PFAS: variants seen among roughly 807,000 people sequenced by gnomAD.
PFAS encodes phosphoribosylformylglycinamidine synthase.
Under a neutral mutation model 140.6 loss-of-function variants are expected in PFAS, and 97 were observed. That is an observed-to-expected ratio of 0.69 (90% CI 0.59 to 0.82). The LOEUF (loss-of-function observed/expected upper bound fraction) is 0.82, where lower values mean the gene tolerates loss of function less well. PFAS is among the 40% of genes least tolerant of loss of function. The probability of loss-of-function intolerance (pLI) is 0.00; values close to 1 mark genes in which losing one functional copy is unlikely to be tolerated. For synonymous variants in PFAS, 679 were observed against 718.8 expected (o/e 0.94, Z 0.88); for missense variants, 1,656 against 1,780.2 (o/e 0.93, Z 1.26).
intron 3 of PFAS, among the ~76,000 whole-genome samples, chr17:8,254,676 C>T (rs1349470369): frequency 6.6e-5 from 10 of 151,568 alleles, no homozygotes; most frequent in African/African-American, 2.2e-4. Context: ...TGGTGGCGGG[C>T]GCCTGTAGTC....
chr17:8,255,241 T>G, intron 4 of PFAS, 109 bp downstream of exon 4: 1 of 814,552 alleles, frequency 1.2e-6, no homozygotes, highest in Non-Finnish European at 2.0e-6. Flanking sequence ...GCCTGCTCTG[T>G]ATGGTCGTAC....
Position 8,266,254 on chromosome 17 carries a change from C to G in PFAS, c.2722C>G (p.His908Asp). Residue 908 changes from histidine (H) to aspartate (D), a missense_variant, in exon 22 of 28, where the codon CAC becomes GAC. Physicochemically the swap from His to Asp is moderately conservative, Grantham distance 81. Around this residue, in one of 2 missense-constraint regions of PFAS, gnomAD observed 883 missense variants for 1,023.0 expected, o/e 0.86. Coordinates refer to ENST00000314666, the MANE Select transcript of PFAS (RefSeq NM_012393.3). The surrounding 1 kb of genome is among the most constrained non-coding windows in gnomAD (Gnocchi z 5.0). ...LLKDRLLCSG[H>D]DVSDGGLVTC... ...TCCAGACCGCCTCCTCTGCTCAGGCCACGATGTCAGTGACGGAGGCCTCGT... is the reference window on the plus strand; with the variant it reads ...TCCAGACCGCCTCCTCTGCTCAGGCGACGATGTCAGTGACGGAGGCCTCGT... The G allele has an allele frequency of 6.2e-7, 1 of 1,614,050 alleles. No individual in the cohort carries two copies. The highest frequency in any genetic ancestry group is 8.5e-7 in the Non-Finnish European group (1 of 1,179,996).
In PFAS at chr17:8,265,469, G is replaced by C; in HGVS notation, c.2461+1G>C. On this transcript the variant is annotated splice_donor_variant, in intron 19 of 27. Coordinates refer to ENST00000314666, the MANE Select transcript of PFAS (RefSeq NM_012393.3). LOFTEE classifies it high-confidence loss of function. ...GGCACTGAGACCGTGCGGGCTCCTGGTGAGGTGTGGGAGCCCCAGGGAGGG... is the reference window on the plus strand; with the variant it reads ...GGCACTGAGACCGTGCGGGCTCCTGCTGAGGTGTGGGAGCCCCAGGGAGGG... 1 of 1,613,552 alleles carries C rather than the reference G, an allele frequency of 6.2e-7. No individual in the cohort carries two copies. Among genetic ancestry groups the C allele is most frequent in the African/African-American group, 1.3e-5 (1 of 74,998 alleles).
intron 11 of PFAS, among the ~76,000 whole-genome samples, chr17:8,259,870 G>A (rs1365645454): frequency 6.6e-6 from 1 of 152,196 alleles, no homozygotes; most frequent in African/African-American, 2.4e-5. Flanking sequence ...GGAGGCCATG[G>A]TGGGCAGATC....
In PFAS at chr17:8,265,548, C is replaced by G. The variant is rs764464595; in HGVS notation, c.2462-8C>G. The G allele has an allele frequency of 7.6e-5, 123 of 1,613,948 alleles. No homozygotes were observed. The highest frequency in any genetic ancestry group is 9.4e-5 in the Non-Finnish European group (111 of 1,179,796). ...ACTCATTCCTTTGGACTCCTCCTTGCTCTACAGGGTCACTGGTCATCTCAG... is the reference window on the plus strand; with the variant it reads ...ACTCATTCCTTTGGACTCCTCCTTGGTCTACAGGGTCACTGGTCATCTCAG... On this transcript the variant is annotated splice_polypyrimidine_tract_variant and splice_region_variant and intron_variant, in intron 19 of 27. Transcript: ENST00000314666.
Position 8,265,388 on chromosome 17 carries a change from C to T in PFAS, c.2381C>T (p.Ala794Val). 1 of 1,614,166 alleles carries T rather than the reference C, an allele frequency of 6.2e-7. No individual in the cohort carries two copies. Among genetic ancestry groups the T allele is most frequent in the Non-Finnish European group, 8.5e-7 (1 of 1,180,020 alleles). ...GAGGCTATGGTGGCAGTGATGGCAGCCCTGGGTGTGGCAGTGGATGGTGGC... is the reference window on the plus strand; with the variant it reads ...GAGGCTATGGTGGCAGTGATGGCAGTCCTGGGTGTGGCAGTGGATGGTGGC... Reference protein sequence around the residue: ...ACEAMVAVMAALGVAVDGGKD... With the variant: ...ACEAMVAVMAVLGVAVDGGKD... The change falls in exon 19 of 28, where the codon GCC (alanine) becomes GTC (valine). Residue 794 changes from alanine to valine, a missense_variant. Transcript: ENST00000314666.
chr17:8,269,171 A>G lies in PFAS; in HGVS notation c.3924A>G (p.Ala1308=). 1 of 1,613,788 alleles carries G rather than the reference A, an allele frequency of 6.2e-7. No homozygotes were observed. The highest frequency in any genetic ancestry group is 8.5e-7 in the Non-Finnish European group (1 of 1,179,976). ...PERAVRPWQW[A]WRPPPFDTLT... ...GGGCCGTTAGGCCTTGGCAGTGGGCATGGCGACCCCCTCCATTTGATACTC... is the reference window on the plus strand; with the variant it reads ...GGGCCGTTAGGCCTTGGCAGTGGGCGTGGCGACCCCCTCCATTTGATACTC... The change falls in exon 28 of 28, where the codon GCA becomes GCG. Residue 1308 remains alanine (A), a synonymous_variant. Transcript: ENST00000314666.
At position 8,266,922 on chromosome 17, in the gene PFAS, G is replaced by A. The variant is rs747993313; in HGVS notation, c.2967+24G>A. 6.3e-7 allele frequency: 1 copy of A among 1,599,338 alleles called. No homozygotes were observed. The highest frequency in any genetic ancestry group is 8.5e-7 in the Non-Finnish European group (1 of 1,175,772). ...TGGTGAGGAAGTGAGGGAGAGAGCG[G>A]TGTGCAGTGGGCAGTCAGAGTGGGG... On this transcript the variant is annotated intron_variant, in intron 23 of 27. Transcript: ENST00000314666. This position sits in a 1 kb window ranked among gnomAD's most constrained non-coding sequence, Gnocchi z 5.0.
intron 11 of PFAS, 122 bp from the exon 12 acceptor site, chr17:8,262,798 A>G: frequency 1.3e-6 from 1 of 766,182 alleles, no homozygotes; most frequent in East Asian, 2.5e-5. Flanking sequence ...TCCATCTCAA[A>G]AAAAAAAAAG....
chr17:8,253,984 G>A lies in PFAS; in HGVS notation c.47G>A (p.Gly16Glu), dbSNP rs1989257911. The A allele has an allele frequency of 1.2e-6, 2 of 1,614,080 alleles. No homozygotes were observed. The highest frequency in any genetic ancestry group is 1.7e-6 in the Non-Finnish European group (2 of 1,180,010). Reference protein sequence around the residue: ...HFYVRPSGHEGAAPGHTRRKL... With the variant: ...HFYVRPSGHEEAAPGHTRRKL... The stretch of plus-strand genomic sequence containing the variant: ...TATGTTCGTCCCTCTGGCCATGAGG[G>A]GGCAGCCCCTGGACACACTCGGAGG... Residue 16 changes from glycine to glutamate, a missense_variant, in exon 2 of 28, where the codon GGG (glycine) becomes GAG (glutamate). Transcript: ENST00000314666.
chr17:8,254,265 C>G lies in PFAS; in HGVS notation c.242C>G (p.Pro81Arg), dbSNP rs955595515. ...GTTGCTCGGGAGTCCTGGCTCCTTC[C>G]TGGCTCCAATGACCTGCTGCTGGAG... Reference protein sequence around the residue: ...DDVARESWLLPGSNDLLLEVG... With the variant: ...DDVARESWLLRGSNDLLLEVG... The change falls in exon 3 of 28, where the codon CCT becomes CGT. Residue 81 changes from proline to arginine, a missense_variant. This residue lies in a region of PFAS where 773 missense variants were observed against 757.3 expected (regional missense o/e 1.02). Transcript: ENST00000314666. The G allele has an allele frequency of 3.1e-6, 5 of 1,614,010 alleles. No individual in the cohort carries two copies. Among genetic ancestry groups the G allele is most frequent in the Non-Finnish European group, 4.2e-6 (5 of 1,180,014 alleles).
rs199968776 is a variant in PFAS at position 8,255,100 on chromosome 17, C to T, written c.352C>T (p.Arg118Cys). 1.4e-5 allele frequency: 22 copies of T among 1,613,358 alleles called. No individual in the cohort carries two copies. The highest frequency in any genetic ancestry group is 1.3e-4 in the East Asian group (6 of 44,846). ...CGCCACTGGGCTGGGGCCTGTGGAT[C>T]GTGTGGAGACCACCCGGCGCTACCG... ...CRATGLGPVD[R>C]VETTRRYRLS... The change falls in exon 4 of 28, where the codon CGT (arginine) becomes TGT (cysteine). Residue 118 changes from arginine to cysteine, a missense_variant. Physicochemically the swap from Arg to Cys is radical, Grantham distance 180. Around this residue, in one of 2 missense-constraint regions of PFAS, gnomAD observed 773 missense variants for 757.3 expected, o/e 1.02. Coordinates refer to ENST00000314666, the MANE Select transcript of PFAS (RefSeq NM_012393.3).
At position 8,263,909 on chromosome 17, in the gene PFAS, C is replaced by T. The variant is rs146568532; in HGVS notation, c.1764C>T (p.Phe588=). The change falls in exon 15 of 28, where the codon TTC becomes TTT. Residue 588 remains phenylalanine, a synonymous_variant. Coordinates refer to ENST00000314666, the MANE Select transcript of PFAS (RefSeq NM_012393.3). ...CCCGTGAACGTTGCCCGGCTTGCTT[C>T]GTGGGCACCATCACTGGAGACCGGA... The part of the protein sequence containing the change: ...VSARERCPAC[F]VGTITGDRRI... 2.3e-4 allele frequency: 375 copies of T among 1,613,622 alleles called. No individual in the cohort carries two copies. Among genetic ancestry groups the T allele is most frequent in the Non-Finnish European group, 3.0e-4 (351 of 1,179,974 alleles).
At chr17:8,258,003 A>G (rs2151582432) in intron 10 of PFAS, 65 bp downstream of exon 10, 1 of 1,612,422 alleles carries the variant, frequency 6.2e-7, no homozygotes, top group African/African-American at 1.3e-5. Context: ...TGTGCGACCC[A>G]GGGGCTGTGC....
intron 27 of PFAS, 43 bp downstream of exon 27, chr17:8,268,899 G>C (rs760436193): frequency 1.2e-6 from 2 of 1,612,060 alleles, no homozygotes; most frequent in Admixed American, 3.3e-5. Flanking sequence ...AGGGTTGGGG[G>C]CAAGGGTGGG....
In PFAS at chr17:8,266,446, G is replaced by A; in HGVS notation, c.2821+93G>A. 6.4e-7 allele frequency: 1 copy of A among 1,558,472 alleles called. No individual in the cohort carries two copies. The highest frequency in any genetic ancestry group is 8.7e-7 in the Non-Finnish European group (1 of 1,150,878). On this transcript the variant is annotated intron_variant, in intron 22 of 27. Transcript: ENST00000314666. The surrounding 1 kb of genome is among the most constrained non-coding windows in gnomAD (Gnocchi z 5.0). Reference sequence around the variant, plus strand: ...ATATTAAAGAGTGGAGTGCCCTCCAGTCCCCTTTCCCTGAGTCTTCCCTGA... The same window carrying A: ...ATATTAAAGAGTGGAGTGCCCTCCAATCCCCTTTCCCTGAGTCTTCCCTGA...
chr17:8,259,790 A>G (rs1989518356), intron 11 of PFAS, among the ~76,000 whole-genome samples: 1 of 151,578 alleles, frequency 6.6e-6, no homozygotes, highest in African/African-American at 2.4e-5. Context: ...CCTGTCTCCA[A>G]AAAAGAATAA....
chr17:8,261,330 G>T (rs537725154), intron 11 of PFAS, among the ~76,000 whole-genome samples: 10 of 151,070 alleles, frequency 6.6e-5, no homozygotes, highest in Admixed American at 2.0e-4. Flanking sequence ...TCCGCCTCCC[G>T]GGTTCAAGCA....
In PFAS at chr17:8,265,456, G is replaced by A. The variant is rs754015723; in HGVS notation, c.2449G>A (p.Val817Met). 8 of 1,613,632 alleles carry A rather than the reference G, an allele frequency of 5.0e-6. No homozygotes were observed. The highest frequency in any genetic ancestry group is 2.2e-5 in the South Asian group (2 of 91,056). ...SMAARVGTET[V>M]RAPGSLVISA... ...GGCTGCTCGGGTTGGCACTGAGACC[G>A]TGCGGGCTCCTGGTGAGGTGTGGGA... The change falls in exon 19 of 28, where the codon GTG becomes ATG. Residue 817 changes from valine (V) to methionine (M), a missense_variant. Physicochemically the swap from Val to Met is conservative, Grantham distance 21. Transcript: ENST00000314666.
Sources: gnomAD v4.1 joint callset for allele counts (sites outside exome capture counted in the v4.1 genomes callset) on GRCh38, gnomAD v4.1.1 for gene constraint, gnomAD v4.1.1 regional missense constraint, Gnocchi (gnomAD v3.1) non-coding constraint, MANE v1.5 for transcripts, NCBI Gene and HGNC (gene_info 2026-07-23, HGNC 2026-07-21) for gene names.